The following INSL6 variants were observed in gnomAD, a reference collection of about 807,000 sequenced individuals.
INSL6 encodes insulin like 6, also known as insulin-like peptide INSL6.
A neutral mutation model predicts 9.4 loss-of-function variants in INSL6; 16 were observed. The ratio of observed to expected loss-of-function variants is 1.70; its 90% CI spans 1.15 to 2.59. The LOEUF is 2.59. Ranked by LOEUF, INSL6 falls within the 30% of genes most tolerant of loss-of-function variation. The pLI is 0.00. For synonymous variants in INSL6, 154 were observed against 96.9 expected (o/e 1.59, Z -3.46); for missense variants, 391 against 257.3 (o/e 1.52, Z -3.56).
chr9:5,167,090 G>A (rs1825071209), intron 1 of INSL6, among the ~76,000 whole-genome samples: 1 of 152,084 alleles, frequency 6.6e-6, no homozygotes, highest in Non-Finnish European at 1.5e-5. Context: ...GGAGGTTGGC[G>A]TGACTCAGAG....
chr9:5,065,065 A>T, the INSL6 span: 2 of 1,455,436 alleles, frequency 1.4e-6, no homozygotes, highest in African/African-American at 1.4e-5. Context: ...CTTAAAAGTA[A>T]ATTTTTAGAA....
intron 1 of INSL6, among the ~76,000 whole-genome samples, chr9:5,173,384 A>T (rs1825225905): frequency 6.6e-6 from 1 of 152,226 alleles, no homozygotes; most frequent in African/African-American, 2.4e-5. Context: ...AAGAGACTGG[A>T]TATAGAAAAT....
At chr9:5,041,988 G>C in the INSL6 span, 4 of 358,770 alleles carry the variant, frequency 1.1e-5, no homozygotes, top group South Asian at 2.2e-5. Context: ...GCTTGTGTGA[G>C]GGCCTTGGGG....
At position 5,164,042 on chromosome 9, in the gene INSL6, G is replaced by A; in HGVS notation, c.513C>T (p.Arg171=). The A allele has an allele frequency of 1.9e-6, 3 of 1,613,438 alleles. No individual in the cohort carries two copies. In the South Asian group the frequency reaches 3.3e-5, roughly 18 times the overall value. ...LFWGHHPQRK[R]RGYSEKCCLT... is the part of the protein sequence containing the mutation. ...GACAACACTTTTCTGAATATCCTCT[G>A]CGTTTTCTTTGGGGATGATGCCCCC... The change falls in exon 2 of 2, where the codon CGC becomes CGT. Residue 171 remains arginine (R), a synonymous_variant. Coordinates refer to ENST00000381641, the MANE Select transcript of INSL6 (RefSeq NM_007179.3).
the INSL6 span, chr9:5,108,108 G>A: frequency 6.6e-6 from 1 of 152,102 alleles, no homozygotes; most frequent in South Asian, 2.1e-4. Flanking sequence ...ATCTGCTGAT[G>A]TCACCCCTCC....
chr9:5,088,015 G>C, the INSL6 span, among the ~76,000 whole-genome samples: 5 of 152,174 alleles, frequency 3.3e-5, no homozygotes, highest in Non-Finnish European at 5.9e-5. Context: ...GTTAAGTAGA[G>C]GGGAAGAAGA....
intron 1 of INSL6, among the ~76,000 whole-genome samples, chr9:5,183,912 A>G (rs1825511550): frequency 6.6e-6 from 1 of 152,200 alleles, no homozygotes; most frequent in Admixed American, 6.5e-5. Flanking sequence ...CAGAGTCGGT[A>G]AATTAACAGG....
the INSL6 span, among the ~76,000 whole-genome samples, chr9:5,003,887 T>C: frequency 6.6e-6 from 1 of 152,114 alleles, no homozygotes; most frequent in Non-Finnish European, 1.5e-5. Flanking sequence ...TAGTTTGAGA[T>C]TTTAAAATCA....
At chr9:5,022,005 T>TA in the INSL6 span, 1 of 1,613,860 alleles carries the variant, frequency 6.2e-7, no homozygotes, top group Non-Finnish European at 8.5e-7. Flanking sequence ...TGGCCTGCCT[T>TA]ACGATGACAG....
intron 2 of INSL6, among the ~76,000 whole-genome samples, chr9:5,136,937 A>G (rs1292054517): frequency 6.6e-6 from 1 of 152,222 alleles, no homozygotes; most frequent in African/African-American, 2.4e-5. Context: ...AGGATACAAA[A>G]TCAATGTGCA....
At chr9:5,130,709 TA>T (rs1354459329) in intron 3 of INSL6, among the ~76,000 whole-genome samples, 1 of 148,306 alleles carries the variant, frequency 6.7e-6, no homozygotes, top group South Asian at 2.1e-4. Context: ...TTCTTTTTTT[TA>T]TTTTTTTTAT....
the INSL6 span, chr9:5,090,658 T>G: frequency 3.3e-6 from 5 of 1,514,210 alleles, no homozygotes; most frequent in Non-Finnish European, 4.4e-6. Context: ...TCATAGATAA[T>G]AAAGGGAATA....
At chr9:5,083,278 C>T in the INSL6 span, among the ~76,000 whole-genome samples, 5 of 152,162 alleles carry the variant, frequency 3.3e-5, no homozygotes, top group African/African-American at 1.2e-4. Context: ...TCTATTAAAA[C>T]GTCACACAGT....
the INSL6 span, among the ~76,000 whole-genome samples, chr9:4,992,554 C>T: frequency 2.0e-5 from 3 of 152,160 alleles, no homozygotes; most frequent in Non-Finnish European, 2.9e-5. Context: ...ATCTGAAATA[C>T]ACGCAAAATA....
At chr9:5,041,569 T>C in the INSL6 span, 3 of 515,128 alleles carry the variant, frequency 5.8e-6, no homozygotes, top group African/African-American at 3.9e-5. Context: ...GCTACGTACC[T>C]GCACTACGTG....
chr9:4,996,744 G>A, the INSL6 span, among the ~76,000 whole-genome samples: 2 of 151,736 alleles, frequency 1.3e-5, no homozygotes, highest in African/African-American at 2.4e-5. Context: ...AGTATTCTGC[G>A]ATAATTGGAT....
the INSL6 span, chr9:5,100,129 G>C: frequency 6.6e-6 from 1 of 152,176 alleles, no homozygotes; most frequent in Non-Finnish European, 1.5e-5. Context: ...AGCTTCAGTT[G>C]CTTTTATTAT....
chr9:5,004,387 T>C, the INSL6 span, among the ~76,000 whole-genome samples: 4 of 152,228 alleles, frequency 2.6e-5, no homozygotes, highest in Non-Finnish European at 5.9e-5. Flanking sequence ...TCATACAGTT[T>C]TGTCTTTCTG....
the INSL6 span, among the ~76,000 whole-genome samples, chr9:5,088,930 T>A: frequency 6.6e-6 from 1 of 152,180 alleles, no homozygotes; most frequent in African/African-American, 2.4e-5. Flanking sequence ...ATTATATAAA[T>A]TTTGGGTAAG....
Sources: allele counts gnomAD v4.1 joint callset (sites outside exome capture counted in the v4.1 genomes callset), GRCh38; gene constraint gnomAD v4.1.1; transcripts MANE v1.5; gene names NCBI Gene and HGNC (gene_info 2026-07-23, HGNC 2026-07-21).